The following SNX29 variants were observed in gnomAD, a reference collection of about 807,000 sequenced individuals.
The protein encoded by SNX29 is sorting nexin-29.
In SNX29, 78 loss-of-function variants were observed where a neutral mutation model predicts 102.1. The observed-to-expected ratio is 0.76, with a 90% CI of 0.64 to 0.92. The LOEUF (loss-of-function observed/expected upper bound fraction) is 0.92. Ranked by LOEUF, SNX29 falls within the 40% of genes least tolerant of loss-of-function variation. The probability of loss-of-function intolerance (pLI) is 0.00; values close to 1 mark genes in which losing one functional copy is unlikely to be tolerated. For missense variants in SNX29, 1,280 were observed against 1,061.7 expected (o/e 1.21, Z -2.86); for synonymous variants, 580 against 414.5 (o/e 1.40, Z -4.85).
chr16:12,524,646 A>G (rs2151956711), intron 19 of SNX29, 56 bp from the exon 20 acceptor site: 3 of 1,583,308 alleles, frequency 1.9e-6, no homozygotes, highest in Non-Finnish European at 2.6e-6. Context: ...CTATAGGGTC[A>G]TTTCTGACCA....
intron 20 of SNX29, among the ~76,000 whole-genome samples, chr16:12,567,295 A>C (rs987733733): frequency 1.3e-5 from 2 of 150,836 alleles, no homozygotes; most frequent in African/African-American, 5.0e-5. Flanking sequence ...TACATCCAGC[A>C]AGCCACAGCA....
Position 12,571,799 on chromosome 16 carries a change from A to G in SNX29, c.*3170A>G. 6.9e-6 allele frequency: 7 copies of G among 1,016,010 alleles called. No homozygotes were observed. Among genetic ancestry groups the G allele is most frequent in the Non-Finnish European group, 8.4e-6 (7 of 835,618 alleles). 62.9% of individuals were successfully genotyped at this position (1,016,010 alleles called of 1,614,324 possible). On this transcript the variant is annotated 3_prime_UTR_variant, in exon 21 of 21. Transcript: ENST00000566228. ...CTTCTCCGCCACTCTTCCTGCAATC[A>G]GTGTGAAATTCCAGCTTCTTTGATT...
chr16:12,481,512 A>G (rs1163132767), intron 19 of SNX29, among the ~76,000 whole-genome samples: 2 of 106,438 alleles, frequency 1.9e-5, no homozygotes, highest in Non-Finnish European at 3.6e-5. Flanking sequence ...ATATACATAT[A>G]GACACACACA....
In SNX29 at chr16:11,999,360, T is replaced by G; in HGVS notation, c.69+2T>G. 6.2e-7 allele frequency: 1 copy of G among 1,614,024 alleles called. No homozygotes were observed. Among genetic ancestry groups the G allele is most frequent in the East Asian group, 2.2e-5 (1 of 44,860 alleles). On this transcript the variant is annotated splice_donor_variant, in intron 2 of 20. Transcript: ENST00000566228. LOFTEE classifies it high-confidence loss of function. ...CGACTGCTGGATGCAGTGAAACAGG[T>G]AAGCAGAAAGCACACATTTGCCTTT...
At position 12,571,164 on chromosome 16, in the gene SNX29, C is replaced by T. The variant is rs190959908; in HGVS notation, c.*2535C>T. On this transcript the variant is annotated 3_prime_UTR_variant, in exon 21 of 21. Coordinates refer to ENST00000566228, the MANE Select transcript of SNX29 (RefSeq NM_032167.5). Reference sequence around the variant, plus strand: ...ATCTTGCTGCTCAGAAGAATCCCGTCCTGCTCTCTAGTGTGGTGGGATGAA... The same window carrying T: ...ATCTTGCTGCTCAGAAGAATCCCGTTCTGCTCTCTAGTGTGGTGGGATGAA... 4.7e-5 allele frequency: 11 copies of T among 232,726 alleles called. No homozygotes were observed. The East Asian group carries it at 6.7e-4, about 14-fold the overall frequency. 14.4% of individuals were successfully genotyped at this position (232,726 alleles called of 1,614,324 possible).
At chr16:12,202,221 A>G (rs1345464133) in intron 14 of SNX29, among the ~76,000 whole-genome samples, 1 of 152,226 alleles carries the variant, frequency 6.6e-6, no homozygotes, top group East Asian at 1.9e-4. Context: ...TTAATTTTAC[A>G]GGTATCAAAT....
chr16:12,084,514 G>A (rs557263343), intron 11 of SNX29, among the ~76,000 whole-genome samples: 2 of 152,206 alleles, frequency 1.3e-5, no homozygotes, highest in Non-Finnish European at 2.9e-5. Context: ...TAGGTTCCCA[G>A]TTCTTGTTTC....
rs541502828 is a variant in SNX29, at chr16:12,568,830, G to A, written c.*201G>A. Reference sequence around the variant, plus strand: ...ATGATACCGTGACCCGAGAGACCAAGGCAGCACCTCGCTGGAGAGACTGGG... The same window carrying A: ...ATGATACCGTGACCCGAGAGACCAAAGCAGCACCTCGCTGGAGAGACTGGG... On this transcript the variant is annotated 3_prime_UTR_variant, in exon 21 of 21. Coordinates refer to ENST00000566228, the MANE Select transcript of SNX29 (RefSeq NM_032167.5). The A allele has an allele frequency of 8.8e-6, 7 of 797,578 alleles. No homozygotes were observed. In the African/African-American group the frequency reaches 1.0e-4, roughly 12 times the overall value. 49.4% of individuals were successfully genotyped at this position (797,578 alleles called of 1,614,324 possible).
intron 20 of SNX29, among the ~76,000 whole-genome samples, chr16:12,559,581 C>A (rs574024007): frequency 6.6e-6 from 1 of 151,928 alleles, no homozygotes; most frequent in Non-Finnish European, 1.5e-5. Flanking sequence ...TAACTCATCC[C>A]TGGTGCCAAA....
chr16:12,263,586 A>G (rs2078842619), intron 14 of SNX29, among the ~76,000 whole-genome samples: 2 of 152,208 alleles, frequency 1.3e-5, no homozygotes, highest in South Asian at 4.1e-4. Context: ...GGCCATACAC[A>G]TTTAAAAATG....
At chr16:12,327,030 G>A (rs1299998438) in intron 15 of SNX29, among the ~76,000 whole-genome samples, 1 of 152,202 alleles carries the variant, frequency 6.6e-6, no homozygotes, top group Non-Finnish European at 1.5e-5. Flanking sequence ...GGGCTGCTGG[G>A]TTGCTCTGTG....
At chr16:12,553,845 C>G (rs922365167) in intron 20 of SNX29, among the ~76,000 whole-genome samples, 1 of 151,898 alleles carries the variant, frequency 6.6e-6, no homozygotes, top group Non-Finnish European at 1.5e-5. Flanking sequence ...CTAGGTCTAC[C>G]GAAAGTGCTG....
intron 6 of SNX29, 68 bp downstream of exon 6, chr16:12,046,522 T>A: frequency 2.1e-6 from 3 of 1,456,088 alleles, no homozygotes; most frequent in Non-Finnish European, 2.9e-6. Context: ...TTGGGGCAGT[T>A]CCACAGCGCC....
intron 20 of SNX29, among the ~76,000 whole-genome samples, chr16:12,563,532 T>G (rs965745155): frequency 2.0e-5 from 3 of 152,194 alleles, no homozygotes; most frequent in Admixed American, 2.0e-4. Flanking sequence ...AAAATTGAGT[T>G]GTCTCCCACC....
chr16:12,002,840 A>T, intron 2 of SNX29, 151 bp from the exon 3 acceptor site: 1 of 749,286 alleles, frequency 1.3e-6, no homozygotes, highest in Admixed American at 2.7e-5. Context: ...TCTTGTGCTG[A>T]TACCCAGGGG....
chr16:12,108,015 A>G (rs573009980), intron 11 of SNX29, among the ~76,000 whole-genome samples: 18 of 152,236 alleles, frequency 1.2e-4, no homozygotes, highest in Admixed American at 6.5e-4. Flanking sequence ...GAGTTGCTAG[A>G]AAAATAAGGA....
chr16:12,545,469 A>C (rs1292516612), intron 20 of SNX29: 1 of 152,178 alleles, frequency 6.6e-6, no homozygotes, highest in Non-Finnish European at 1.5e-5. Context: ...ATAGGATGCC[A>C]GTGACTCTCC....
At chr16:12,363,243 C>T (rs1397401322) in intron 16 of SNX29, among the ~76,000 whole-genome samples, 1 of 152,202 alleles carries the variant, frequency 6.6e-6, no homozygotes, top group Non-Finnish European at 1.5e-5. Context: ...ACAGCCAGGG[C>T]AGAAGAAAGA....
chr16:12,515,550 G>A (rs890299086), intron 19 of SNX29: 1 of 492,404 alleles, frequency 2.0e-6, no homozygotes, highest in South Asian at 1.5e-5. Flanking sequence ...CAGCATCCTT[G>A]CTGGCCTCTC....
Sources: gnomAD v4.1 joint callset for allele counts (sites outside exome capture counted in the v4.1 genomes callset) on GRCh38, gnomAD v4.1.1 for gene constraint, MANE v1.5 for transcripts, NCBI Gene and HGNC (gene_info 2026-07-23, HGNC 2026-07-21) for gene names.